The following TBC1D7 variants were observed in gnomAD, a reference collection of about 807,000 sequenced individuals.
TBC1D7 encodes the protein TBC1 domain family member 7.
In TBC1D7, 33 loss-of-function variants were observed where a neutral mutation model predicts 35.3. The observed-to-expected ratio is 0.93, with a 90% CI of 0.71 to 1.25. The LOEUF (loss-of-function observed/expected upper bound fraction) is 1.25. Ranked by LOEUF, TBC1D7 falls within the 50% of genes most tolerant of loss-of-function variation. TBC1D7 has a pLI of 0.00. For missense variants in TBC1D7, 362 were observed against 365.3 expected, an observed-to-expected ratio of 0.99 and a Z score of 0.07; for synonymous variants, 135 against 129.5, an observed-to-expected ratio of 1.04 and a Z score of -0.29.
intron 3 of TBC1D7, 110 bp downstream of exon 3, chr6:13,324,984 A>G: frequency 1.4e-6 from 1 of 722,670 alleles, no homozygotes. Context: ...AAGATCCAAT[A>G]TTCAGTAAAA....
At chr6:13,315,299 C>A (rs1402653362) in intron 5 of TBC1D7, among the ~76,000 whole-genome samples, 1 of 152,200 alleles carries the variant, frequency 6.6e-6, no homozygotes, top group Non-Finnish European at 1.5e-5. Flanking sequence ...AGAATAAAGA[C>A]CTTGTGATGA....
chr6:13,316,694 TTCA>T lies in TBC1D7; in HGVS notation c.393_395del (p.Asp131del), dbSNP rs1562165736. 6.2e-7 allele frequency: 1 copy of T among 1,614,032 alleles called. No individual in the cohort carries two copies. The highest frequency in any genetic ancestry group is 1.7e-5 in the Admixed American group (1 of 60,000). ...TGGCTTTAGCTATGGCAAGAAACAC[TTCA>T]TCATCTGGCTCCTGAAAGATTAATA... On this transcript the variant is annotated inframe_deletion, in exon 5 of 8. Coordinates refer to ENST00000379300, the MANE Select transcript of TBC1D7 (RefSeq NM_016495.6).
chr6:13,315,411 A>C (rs1334284270), intron 5 of TBC1D7, among the ~76,000 whole-genome samples: 1 of 152,224 alleles, frequency 6.6e-6, no homozygotes, highest in Non-Finnish European at 1.5e-5. Flanking sequence ...TATACTGAAT[A>C]CACATATAAC....
chr6:13,318,513 A>C (rs929518777), intron 4 of TBC1D7, among the ~76,000 whole-genome samples: 2 of 152,244 alleles, frequency 1.3e-5, no homozygotes, highest in African/African-American at 4.8e-5. Context: ...AGTGAAATTT[A>C]AAGATGATTG....
chr6:13,323,556 G>A (rs1341956235), intron 3 of TBC1D7, among the ~76,000 whole-genome samples: 2 of 152,124 alleles, frequency 1.3e-5, no homozygotes, highest in East Asian at 1.9e-4. Context: ...CAGAAGGCAC[G>A]GAGAACAGTA....
intron 5 of TBC1D7, among the ~76,000 whole-genome samples, chr6:13,314,734 A>G (rs1282188757): frequency 2.6e-5 from 4 of 152,234 alleles, no homozygotes; most frequent in Admixed American, 2.6e-4. Flanking sequence ...AATTAACTGC[A>G]GTGATCCTCA....
chr6:13,316,621 G>T lies in TBC1D7; in HGVS notation c.469C>A (p.Arg157Ser), dbSNP rs151071014. The T allele has an allele frequency of 1.9e-6, 3 of 1,613,468 alleles. No homozygotes were observed. The highest frequency in any genetic ancestry group is 1.3e-5 in the African/African-American group (1 of 74,712). ...TTGGTATTTAATTGGTTCACAAAGCGTCGGGTGATCCAGTAACAGTCGACA... is the reference window on the plus strand; with the variant it reads ...TTGGTATTTAATTGGTTCACAAAGCTTCGGGTGATCCAGTAACAGTCGACA... ...DSVDCYWITR[R>S]FVNQLNTKYR... The change falls in exon 5 of 8, where the codon CGC (arginine) becomes AGC (serine). Residue 157 changes from arginine (R) to serine (S), a missense_variant. Arg to Ser is a moderately radical substitution (Grantham distance 110, BLOSUM62 -1). Transcript: ENST00000379300.
chr6:13,309,419 C>A (rs562516963), intron 5 of TBC1D7, among the ~76,000 whole-genome samples: 1 of 152,186 alleles, frequency 6.6e-6, no homozygotes, highest in Non-Finnish European at 1.5e-5. Context: ...TAGCACATCA[C>A]TTGGCATGGT....
intron 5 of TBC1D7, among the ~76,000 whole-genome samples, chr6:13,313,550 C>G (rs1457053671): frequency 7.4e-6 from 1 of 134,940 alleles, no homozygotes; most frequent in Non-Finnish European, 1.6e-5. Context: ...AGGTACCAAG[C>G]CTAGAGAGAT....
intron 5 of TBC1D7, among the ~76,000 whole-genome samples, chr6:13,308,436 C>T (rs1782961622): frequency 7.8e-6 from 1 of 127,398 alleles, no homozygotes; most frequent in African/African-American, 2.9e-5. Flanking sequence ...CACCTGGATT[C>T]CACTTGGTAG....
chr6:13,313,242 A>C (rs1783360198), intron 5 of TBC1D7, among the ~76,000 whole-genome samples: 1 of 151,908 alleles, frequency 6.6e-6, no homozygotes, highest in African/African-American at 2.4e-5. Context: ...ACTCTTACAA[A>C]GAAAAAAAGT....
chr6:13,318,400 G>A (rs568768595), intron 4 of TBC1D7, among the ~76,000 whole-genome samples: 34 of 152,200 alleles, frequency 2.2e-4, no homozygotes, highest in Admixed American at 1.5e-3. Flanking sequence ...GCTGAGTAGC[G>A]GTGAGGCGGA....
chr6:13,307,677 G>A lies in TBC1D7; in HGVS notation c.588C>T (p.Ser196=), dbSNP rs142197006. The A allele has an allele frequency of 3.0e-4, 483 of 1,614,052 alleles. 4 individuals carry two copies. The African/African-American group carries it at 4.6e-3, about 16-fold the overall frequency. The change falls in exon 6 of 8, where the codon TCC becomes TCT. Residue 196 remains serine (S), a synonymous_variant. Coordinates refer to ENST00000379300, the MANE Select transcript of TBC1D7 (RefSeq NM_016495.6). The stretch of plus-strand genomic sequence containing the variant: ...GATCATAAGGAAGTTTGGGCGCCGC[G>A]GAACACATCCTCAGATGAGTCAGCA... ...GRLLTHLRMC[S]AAPKLPYDLW...
chr6:13,321,073 C>T lies in TBC1D7; in HGVS notation c.216G>A (p.Glu72=). 1 of 1,613,298 alleles carries T rather than the reference C, an allele frequency of 6.2e-7. No individual in the cohort carries two copies. Among genetic ancestry groups the T allele is most frequent in the South Asian group, 1.1e-5 (1 of 91,022 alleles). Residue 72 remains glutamate, a synonymous_variant, in exon 4 of 8, where the codon GAG becomes GAA. Coordinates refer to ENST00000379300, the MANE Select transcript of TBC1D7 (RefSeq NM_016495.6). ...VLLGILPPHH[E]SHAKVMMYRK... Reference sequence around the variant, plus strand: ...GATACATCATCACCTTGGCATGGGACTCGTGGTGTGGAGGCAAGATTCCTA... The same window carrying T: ...GATACATCATCACCTTGGCATGGGATTCGTGGTGTGGAGGCAAGATTCCTA...
intron 5 of TBC1D7, among the ~76,000 whole-genome samples, chr6:13,308,568 T>G (rs117297164): frequency 6.6e-6 from 1 of 152,314 alleles, no homozygotes; most frequent in East Asian, 1.9e-4. Flanking sequence ...GCTGCTATAT[T>G]TAGGGTCCAC....
At chr6:13,305,713 A>G (rs1423892722) in intron 7 of TBC1D7, 1 of 173,818 alleles carries the variant, frequency 5.8e-6, no homozygotes, top group East Asian at 1.8e-4. Context: ...CTTTAATCCT[A>G]CTTCTTGCCT....
intron 7 of TBC1D7, 40 bp downstream of exon 7, chr6:13,306,358 C>A: frequency 6.4e-7 from 1 of 1,559,674 alleles, no homozygotes; most frequent in Non-Finnish European, 8.6e-7. Context: ...GCTAAGGTAA[C>A]TTCATTTCCA....
chr6:13,313,458 C>T (rs1783375833), intron 5 of TBC1D7, among the ~76,000 whole-genome samples: 1 of 152,154 alleles, frequency 6.6e-6, no homozygotes, highest in African/African-American at 2.4e-5. Context: ...GATGAGCAGC[C>T]AGGCAGTTCA....
At chr6:13,327,022 T>G in intron 1 of TBC1D7, 116 bp from the exon 2 acceptor site, 1 of 612,392 alleles carries the variant, frequency 1.6e-6, no homozygotes, top group South Asian at 2.1e-5. Context: ...ACCTTTTCAA[T>G]ATGATGTACC....
Sources: gnomAD v4.1 joint callset for allele counts (sites outside exome capture counted in the v4.1 genomes callset) on GRCh38, gnomAD v4.1.1 for gene constraint, MANE v1.5 for transcripts, NCBI Gene and HGNC (gene_info 2026-07-23, HGNC 2026-07-21) for gene names.